PRDM15: variants seen among roughly 807,000 people sequenced by gnomAD.
PRDM15 encodes PR domain zinc finger protein 15.
Under a neutral mutation model 128.6 loss-of-function variants are expected in PRDM15, and 64 were observed. That is an observed-to-expected ratio of 0.50 (90% CI 0.41 to 0.61). The LOEUF (loss-of-function observed/expected upper bound fraction) is 0.61. PRDM15 is among the 20% of genes least tolerant of loss of function. The pLI is 0.00. For synonymous variants in PRDM15, 615 were observed against 621.8 expected, an observed-to-expected ratio of 0.99 and a Z score of 0.16; for missense variants, 1,242 against 1,569.1, an observed-to-expected ratio of 0.79 and a Z score of 3.52.
At chr21:41,808,166 G>C (rs2061741119) in intron 21 of PRDM15, among the ~76,000 whole-genome samples, 1 of 152,230 alleles carries the variant, frequency 6.6e-6, no homozygotes, top group South Asian at 2.1e-4. Context: ...CGCCAGCCTT[G>C]CTCACGGGCT....
chr21:41,832,901 C>T lies in PRDM15; in HGVS notation c.1366+2536G>A, dbSNP rs147630922. 6.1e-4 allele frequency among the ~76,000 whole-genome samples: 93 copies of T among 152,302 alleles called. 1 individual carries two copies. The highest frequency in any genetic ancestry group is 3.9e-3 in the South Asian group (19 of 4,824). On this transcript the variant is annotated intron_variant, in intron 11 of 23. Transcript: ENST00000398548. This position sits in a 1 kb window ranked among gnomAD's most constrained non-coding sequence, Gnocchi z 4.2. Reference sequence around the variant, plus strand: ...GCTGTCCCGGACAACTCTGCCAAGCCGAGGGTGGCTTCTCCCGCAGCCACC... The same window carrying T: ...GCTGTCCCGGACAACTCTGCCAAGCTGAGGGTGGCTTCTCCCGCAGCCACC...
intron 14 of PRDM15, 174 bp downstream of exon 14, chr21:41,823,144 C>T (rs897800738): frequency 8.5e-6 from 7 of 827,692 alleles, no homozygotes; most frequent in Admixed American, 2.0e-5. Flanking sequence ...AAGTGAGCCT[C>T]GCCAGACACC....
rs550633583 is a variant in PRDM15 at position 41,821,519 on chromosome 21, GGGA to G, written c.1897-292_1897-290del. 1.2e-4 allele frequency among the ~76,000 whole-genome samples: 18 copies of G among 152,132 alleles called. No homozygotes were observed. The highest frequency in any genetic ancestry group is 2.5e-4 in the Non-Finnish European group (17 of 68,016). On this transcript the variant is annotated intron_variant, in intron 15 of 23. Coordinates refer to ENST00000398548, the MANE Select transcript of PRDM15 (RefSeq NM_001040424.3). This position sits in a 1 kb window ranked among gnomAD's most constrained non-coding sequence, Gnocchi z 5.4. Reference sequence around the variant, plus strand: ...CTCGTGAGGGCTTCAGGCCTCAGCAGGGAGGAGGAGGGGGAGGAGAGAAGGGGA... The same window carrying G: ...CTCGTGAGGGCTTCAGGCCTCAGCAGGGAGGAGGGGGAGGAGAGAAGGGGA...
chr21:41,821,833 G>T lies in PRDM15; in HGVS notation c.1896+70C>A, dbSNP rs962307141. The T allele has an allele frequency of 2.5e-5, 40 of 1,576,230 alleles. No homozygotes were observed. In the African/African-American group the frequency reaches 5.3e-4, roughly 21 times the overall value. On this transcript the variant is annotated intron_variant, in intron 15 of 23. Transcript: ENST00000398548. The surrounding 1 kb of genome is among the most constrained non-coding windows in gnomAD (Gnocchi z 5.4). The stretch of plus-strand genomic sequence containing the variant: ...ATGCATGAAGGTGCCTGCTGTGTGG[G>T]GCCCACAGCCTTGAAACGACCACCT...
chr21:41,874,519 A>T (rs1309718203), intron 1 of PRDM15, among the ~76,000 whole-genome samples: 55 of 50,616 alleles, frequency 1.1e-3, no homozygotes, highest in African/African-American at 3.0e-3. Context: ...ATATATATAT[A>T]TATATATTTT....
chr21:41,821,791 G>T lies in PRDM15; in HGVS notation c.1896+112C>A. 2 of 1,334,956 alleles carry T rather than the reference G, an allele frequency of 1.5e-6. No individual in the cohort carries two copies. The highest frequency in any genetic ancestry group is 2.1e-6 in the Non-Finnish European group (2 of 953,292). The allele number at this position is 1,334,956 out of a possible 1,614,324, so 82.7% of individuals were successfully genotyped here. ...ACCACTGGCCGGAGCCTTTGGGGAG[G>T]GAGGGCTGCTTCCGAGATGCATGAA... On this transcript the variant is annotated intron_variant, in intron 15 of 23. Transcript: ENST00000398548. This position sits in a 1 kb window ranked among gnomAD's most constrained non-coding sequence, Gnocchi z 5.4.
chr21:41,810,493 C>T lies in PRDM15; in HGVS notation c.2477-164G>A. On this transcript the variant is annotated intron_variant, in intron 20 of 23. Coordinates refer to ENST00000398548, the MANE Select transcript of PRDM15 (RefSeq NM_001040424.3). This position sits in a 1 kb window ranked among gnomAD's most constrained non-coding sequence, Gnocchi z 6.4. ...GCTGGTCCCCGAGCACACATGAGCACAGAGCCTCTGTCCCTTGGGGAGCAC... is the reference window on the plus strand; with the variant it reads ...GCTGGTCCCCGAGCACACATGAGCATAGAGCCTCTGTCCCTTGGGGAGCAC... 1.3e-6 allele frequency: 1 copy of T among 748,812 alleles called. No homozygotes were observed. Among genetic ancestry groups the T allele is most frequent in the South Asian group, 1.8e-5 (1 of 56,696 alleles). The allele number at this position is 748,812 out of a possible 1,614,324, so 46.4% of individuals were successfully genotyped here.
intron 1 of PRDM15, chr21:41,871,445 T>C: frequency 6.8e-7 from 1 of 1,464,030 alleles, no homozygotes; most frequent in Non-Finnish European, 9.2e-7. Flanking sequence ...AGCCACAGGC[T>C]GTCCCTGTCT....
At chr21:41,818,453 TGC>T (rs1460894159) in intron 18 of PRDM15, among the ~76,000 whole-genome samples, 5 of 109,352 alleles carry the variant, frequency 4.6e-5, no homozygotes, top group Non-Finnish European at 9.5e-5. Context: ...GTGCATGCGC[TGC>T]TTTTTTAATA....
chr21:41,831,375 A>AC (rs1197155498), intron 11 of PRDM15, among the ~76,000 whole-genome samples: 1 of 152,002 alleles, frequency 6.6e-6, no homozygotes, highest in Non-Finnish European at 1.5e-5. Flanking sequence ...TGCCAGGAGC[A>AC]CCCCTCCCCA....
intron 21 of PRDM15, among the ~76,000 whole-genome samples, chr21:41,806,063 CCAT>C (rs773541189): frequency 4.7e-3 from 387 of 82,626 alleles, no homozygotes; most frequent in Non-Finnish European, 6.7e-3. Flanking sequence ...ACCACCATCA[CCAT>C]CACCACCACC....
At chr21:41,805,615 T>C (rs1334700106) in intron 21 of PRDM15, among the ~76,000 whole-genome samples, 3 of 152,088 alleles carry the variant, frequency 2.0e-5, no homozygotes, top group Non-Finnish European at 4.4e-5. Flanking sequence ...GTAACTCTCA[T>C]TGACACTGAG....
chr21:41,831,678 A>G (rs990456054), intron 11 of PRDM15, among the ~76,000 whole-genome samples: 2 of 152,152 alleles, frequency 1.3e-5, no homozygotes, highest in African/African-American at 4.8e-5. Context: ...CAGTGGGGAA[A>G]TCTATGCCCC....
chr21:41,878,907 C>A (rs1388238543), intron 1 of PRDM15: 117 of 953,648 alleles, frequency 1.2e-4, no homozygotes, highest in Non-Finnish European at 1.4e-4. Context: ...CCCGCGGCCC[C>A]GCGCTGGGCC....
rs754767007 is a variant in PRDM15, at chr21:41,859,254, G to A, written c.131+338C>T. The stretch of plus-strand genomic sequence containing the variant: ...CTGGAATGCAGAGAGAAGCCAACGA[G>A]CAGACCTCCAGCTTGGCTGCTGGTG... On this transcript the variant is annotated intron_variant, in intron 3 of 23. Coordinates refer to ENST00000398548, the MANE Select transcript of PRDM15 (RefSeq NM_001040424.3). This position sits in a 1 kb window ranked among gnomAD's most constrained non-coding sequence, Gnocchi z 5.3. 10 of 1,607,776 alleles carry A rather than the reference G, an allele frequency of 6.2e-6. 1 individual carries two copies. The Middle Eastern group carries it at 6.6e-4, about 107-fold the overall frequency.
At chr21:41,829,906 A>G (rs1389537907) in intron 11 of PRDM15, among the ~76,000 whole-genome samples, 1 of 148,044 alleles carries the variant, frequency 6.8e-6, no homozygotes, top group Non-Finnish European at 1.5e-5. Context: ...ACAAATATAC[A>G]TTCAACACAC....
chr21:41,849,712 G>A (rs987879372), intron 5 of PRDM15, among the ~76,000 whole-genome samples: 8 of 152,192 alleles, frequency 5.3e-5, no homozygotes, highest in Non-Finnish European at 7.3e-5. Context: ...TGAGGCAGGT[G>A]AATCACTTCA....
chr21:41,803,222 C>T (rs2061464153), intron 22 of PRDM15: 1 of 416,746 alleles, frequency 2.4e-6, no homozygotes, highest in African/African-American at 2.0e-5. Flanking sequence ...TGGGTATTTC[C>T]AAAGGGAAAT....
intron 18 of PRDM15, among the ~76,000 whole-genome samples, chr21:41,817,572 G>A (rs2062096163): frequency 6.6e-6 from 1 of 152,110 alleles, no homozygotes; most frequent in South Asian, 2.1e-4. Context: ...AATAATAAAT[G>A]ACTATAACAA....
Sources: gnomAD v4.1 joint callset for allele counts (sites outside exome capture counted in the v4.1 genomes callset) on GRCh38, gnomAD v4.1.1 for gene constraint, Gnocchi (gnomAD v3.1) non-coding constraint, MANE v1.5 for transcripts, NCBI Gene and HGNC (gene_info 2026-07-23, HGNC 2026-07-21) for gene names.